The following CDH13 variants were observed in gnomAD, a reference collection of about 807,000 sequenced individuals.
The protein encoded by CDH13 is cadherin 13, also known as cadherin-13.
CDH13 carries 24 observed loss-of-function variants against 63.8 expected under a neutral mutation model. The observed-to-expected ratio is 0.38, with a 90% confidence interval of 0.27 to 0.53. CDH13 has a LOEUF of 0.53. CDH13 is among the 20% of genes least tolerant of loss of function. The pLI is 0.85. For missense variants in CDH13, 1,049 were observed against 903.1 expected (o/e 1.16, Z -2.07); for synonymous variants, 503 against 355.3 (o/e 1.42, Z -4.67).
At chr16:83,377,199 A>G (rs1464818474) in intron 6 of CDH13, among the ~76,000 whole-genome samples, 1 of 152,196 alleles carries the variant, frequency 6.6e-6, no homozygotes, top group Non-Finnish European at 1.5e-5. Context: ...ATTCTACAGC[A>G]CTAAATAACC....
rs71382855 is a variant in CDH13, at chr16:82,896,770, C to CTTTTTTT, written c.157+38319_157+38325dup. ...AATTATTTTAGACTGCTGTGCAATT[C>CTTTTTTT]TTTTTTTTTTTTTTTTTTTTTTTTT... On this transcript the variant is annotated intron_variant, in intron 2 of 13. Transcript: ENST00000567109. Among the ~76,000 whole-genome samples the CTTTTTTT allele has an allele frequency of 3.6e-4, 20 of 55,552 alleles. 2 individuals are homozygous for CTTTTTTT. Among genetic ancestry groups the CTTTTTTT allele is most frequent in the African/African-American group, 1.5e-3 (19 of 12,320 alleles). 36.4% of individuals were successfully genotyped at this position (55,552 alleles called of 152,430 possible).
At chr16:82,809,511 A>G (rs144374938) in intron 1 of CDH13, among the ~76,000 whole-genome samples, 1 of 152,144 alleles carries the variant, frequency 6.6e-6, no homozygotes, top group African/African-American at 2.4e-5. Context: ...TTAAGCGTGT[A>G]AGTGATGACG....
At chr16:82,950,199 C>G (rs774771589) in intron 2 of CDH13, among the ~76,000 whole-genome samples, 1 of 152,120 alleles carries the variant, frequency 6.6e-6, no homozygotes, top group Non-Finnish European at 1.5e-5. Context: ...TCATGCCTCT[C>G]TCAGCTTCTG....
intron 5 of CDH13, among the ~76,000 whole-genome samples, chr16:83,336,312 A>AAAAAAAAAAAAAAG (rs1555531894): frequency 7.0e-6 from 1 of 143,820 alleles, no homozygotes; most frequent in Non-Finnish European, 1.5e-5. Flanking sequence ...AAAAAAAAAA[A>AAAAAAAAAAAAAAG]AAAAAAGAAA....
At chr16:83,102,941 T>TTC (rs2034564344) in intron 3 of CDH13, among the ~76,000 whole-genome samples, 1 of 112,900 alleles carries the variant, frequency 8.9e-6, no homozygotes, top group African/African-American at 3.5e-5. Context: ...TTTTTTTTTT[T>TTC]CTTTTTCTTT....
At chr16:83,224,372 A>G (rs1385708723) in intron 5 of CDH13, among the ~76,000 whole-genome samples, 2 of 150,746 alleles carry the variant, frequency 1.3e-5, no homozygotes, top group African/African-American at 4.9e-5. Context: ...GATACTCAGT[A>G]GTGGGACTGC....
At chr16:83,518,338 G>A (rs1252345084) in intron 7 of CDH13, among the ~76,000 whole-genome samples, 3 of 151,504 alleles carry the variant, frequency 2.0e-5, no homozygotes, top group South Asian at 2.1e-4. Context: ...GTAGAGACGG[G>A]GTTTCATCGT....
At chr16:83,405,584 G>A (rs897773405) in intron 6 of CDH13, among the ~76,000 whole-genome samples, 2 of 152,150 alleles carry the variant, frequency 1.3e-5, no homozygotes, top group Admixed American at 6.5e-5. Context: ...TTAGACTCCC[G>A]ACCTCCAGAA....
intron 5 of CDH13, among the ~76,000 whole-genome samples, chr16:83,276,596 C>T (rs996491447): frequency 3.9e-5 from 6 of 152,052 alleles, no homozygotes; most frequent in African/African-American, 7.2e-5. Flanking sequence ...TTGGGCCAGG[C>T]GTGGTGGCTC....
At chr16:83,068,421 G>A (rs1226190270) in intron 3 of CDH13, among the ~76,000 whole-genome samples, 1 of 152,190 alleles carries the variant, frequency 6.6e-6, no homozygotes, top group Non-Finnish European at 1.5e-5. Flanking sequence ...AGTCACATAT[G>A]AAATATGCTA....
chr16:83,404,195 A>T (rs763918974), intron 6 of CDH13, among the ~76,000 whole-genome samples: 11 of 152,284 alleles, frequency 7.2e-5, no homozygotes, highest in Middle Eastern at 3.4e-3. Context: ...TTGTTGGGGG[A>T]ACTGTTCACG....
intron 1 of CDH13, among the ~76,000 whole-genome samples, chr16:82,812,767 T>A (rs1056974662): frequency 4.6e-5 from 7 of 152,126 alleles, no homozygotes; most frequent in African/African-American, 7.2e-5. Flanking sequence ...AACAAAGTTT[T>A]TTTTTTCTTT....
At chr16:83,570,548 T>G (rs892532397) in intron 7 of CDH13, among the ~76,000 whole-genome samples, 1 of 152,030 alleles carries the variant, frequency 6.6e-6, no homozygotes, top group East Asian at 1.9e-4. Flanking sequence ...CCTCGCTGCT[T>G]TACTGGGCTG....
chr16:82,743,225 C>G (rs2034011994), intron 1 of CDH13, among the ~76,000 whole-genome samples: 1 of 152,096 alleles, frequency 6.6e-6, no homozygotes, highest in African/African-American at 2.4e-5. Context: ...TAGACCAGTG[C>G]TAATATGTTT....
chr16:83,571,903 C>G (rs554462427), intron 7 of CDH13, among the ~76,000 whole-genome samples: 4 of 152,082 alleles, frequency 2.6e-5, no homozygotes, highest in African/African-American at 9.7e-5. Context: ...ACTTAGCAGT[C>G]GCTCTGCATG....
At chr16:83,014,758 A>C in intron 2 of CDH13, among the ~76,000 whole-genome samples, 1 of 51,878 alleles carries the variant, frequency 1.9e-5, no homozygotes, top group South Asian at 5.8e-4. Flanking sequence ...ATATATATAT[A>C]TATATATATA....
intron 5 of CDH13, among the ~76,000 whole-genome samples, chr16:83,344,151 C>G (rs1411018621): frequency 6.6e-6 from 1 of 152,226 alleles, no homozygotes; most frequent in African/African-American, 2.4e-5. Flanking sequence ...GAATTACGCA[C>G]AGAAAATGTG....
At chr16:83,040,964 T>C (rs1176345313) in intron 3 of CDH13, among the ~76,000 whole-genome samples, 1 of 152,212 alleles carries the variant, frequency 6.6e-6, no homozygotes, top group African/African-American at 2.4e-5. Context: ...TTCAGGATTA[T>C]GGGCGAACTT....
chr16:83,275,173 C>A (rs780366597), intron 5 of CDH13, among the ~76,000 whole-genome samples: 71 of 152,276 alleles, frequency 4.7e-4, no homozygotes, highest in South Asian at 2.3e-3. Flanking sequence ...AAGTTTGCCC[C>A]ATAGAGCATT....
Sources: gnomAD v4.1 joint callset for allele counts (sites outside exome capture counted in the v4.1 genomes callset) on GRCh38, gnomAD v4.1.1 for gene constraint, MANE v1.5 for transcripts, NCBI Gene and HGNC (gene_info 2026-07-23, HGNC 2026-07-21) for gene names.